Variants in PRKCE observed in about 807,000 individuals in gnomAD.
The protein encoded by PRKCE is protein kinase C epsilon type.
Under a neutral mutation model 85.4 loss-of-function variants are expected in PRKCE, and 16 were observed. The observed-to-expected ratio is 0.19, with a 90% CI of 0.13 to 0.28. PRKCE has a LOEUF of 0.28. PRKCE is among the 10% of genes least tolerant of loss of function. PRKCE has a pLI of 1.00. For missense variants in PRKCE, 573 were observed against 975.2 expected (o/e 0.59, Z 5.49); for synonymous variants, 388 against 371.5 (o/e 1.04, Z -0.51).
chr2:45,722,747 C>T (rs1386404616), intron 1 of PRKCE, among the ~76,000 whole-genome samples: 2 of 152,180 alleles, frequency 1.3e-5, no homozygotes, highest in African/African-American at 4.8e-5. Context: ...GTATATGTAA[C>T]AAAAGCACCT....
chr2:45,713,958 C>G (rs984876814), intron 1 of PRKCE, among the ~76,000 whole-genome samples: 32 of 152,316 alleles, frequency 2.1e-4, no homozygotes, highest in African/African-American at 7.0e-4. Flanking sequence ...TCCTTCAACC[C>G]CCACACCTCC....
At chr2:45,718,132 C>T (rs527652313) in intron 1 of PRKCE, among the ~76,000 whole-genome samples, 64 of 152,208 alleles carry the variant, frequency 4.2e-4, no homozygotes, top group African/African-American at 6.7e-4. Context: ...GGCTGTCTTA[C>T]GCATTTTAGG....
rs1678121737 is a variant in PRKCE at position 45,696,048 on chromosome 2, T to C, written c.348+43600T>C. 2.0e-5 allele frequency among the ~76,000 whole-genome samples: 3 copies of C among 151,706 alleles called. No homozygotes were observed. The South Asian group carries it at 6.3e-4, about 32-fold the overall frequency. On this transcript the variant is annotated intron_variant, in intron 1 of 14. Transcript: ENST00000306156. ...CTGGTGTACTGCACCCATTAACTCGTCATTTAGCATTAGGTATATCTCCTA... is the reference window on the plus strand; with the variant it reads ...CTGGTGTACTGCACCCATTAACTCGCCATTTAGCATTAGGTATATCTCCTA...
chr2:46,010,589 A>G, intron 10 of PRKCE, 72 bp downstream of exon 10: 1 of 1,597,748 alleles, frequency 6.3e-7, no homozygotes. Context: ...CCAATTTTAG[A>G]CCCTCTACAT....
intron 1 of PRKCE, among the ~76,000 whole-genome samples, chr2:45,819,058 C>T (rs752481249): frequency 6.6e-6 from 1 of 152,160 alleles, no homozygotes; most frequent in Non-Finnish European, 1.5e-5. Flanking sequence ...GAGGCATTTG[C>T]TCTTCTCCCT....
At position 45,651,902 on chromosome 2, in the gene PRKCE, A is replaced by G; in HGVS notation, c.-199A>G. Reference sequence around the variant, plus strand: ...CTCTCCCCCCTCCCTGTTTTCCGTTAGGAACCCGGCGAGGAAATACATGCA... The same window carrying G: ...CTCTCCCCCCTCCCTGTTTTCCGTTGGGAACCCGGCGAGGAAATACATGCA... On this transcript the variant is annotated 5_prime_UTR_variant, in exon 1 of 15. Transcript: ENST00000306156. 2.1e-6 allele frequency: 1 copy of G among 480,646 alleles called. No homozygotes were observed. The highest frequency in any genetic ancestry group is 3.7e-6 in the Non-Finnish European group (1 of 272,984). 29.8% of individuals were successfully genotyped at this position (480,646 alleles called of 1,614,324 possible). A position where few individuals can be genotyped will look rare whatever the true frequency, so the allele number is the denominator to read the frequency against.
intron 1 of PRKCE, among the ~76,000 whole-genome samples, chr2:45,683,200 C>G (rs1326839480): frequency 6.6e-6 from 1 of 152,190 alleles, no homozygotes; most frequent in East Asian, 1.9e-4. Flanking sequence ...ATCTCTTTGT[C>G]TCTGGATTTC....
intron 1 of PRKCE, among the ~76,000 whole-genome samples, chr2:45,656,592 T>A (rs1027816135): frequency 5.9e-5 from 9 of 152,216 alleles, no homozygotes; most frequent in African/African-American, 2.2e-4. Flanking sequence ...CAGACTTTCA[T>A]GTACATAAGA....
intron 11 of PRKCE, among the ~76,000 whole-genome samples, chr2:46,137,481 T>C (rs1022182003): frequency 6.6e-6 from 1 of 151,942 alleles, no homozygotes; most frequent in Non-Finnish European, 1.5e-5. Flanking sequence ...CTGGGCACGG[T>C]GGCTCATGCC....
intron 10 of PRKCE, among the ~76,000 whole-genome samples, chr2:46,042,011 A>C (rs912176991): frequency 1.3e-5 from 2 of 152,208 alleles, no homozygotes; most frequent in African/African-American, 4.8e-5. Context: ...ATCCCATTTT[A>C]TGGTTTGATT....
chr2:45,862,154 G>A (rs1466625608), intron 2 of PRKCE, among the ~76,000 whole-genome samples: 1 of 148,716 alleles, frequency 6.7e-6, no homozygotes, highest in Non-Finnish European at 1.5e-5. Flanking sequence ...GTACTACCCC[G>A]CCACCCTAGT....
At chr2:45,749,737 T>C (rs1683399330) in intron 1 of PRKCE, among the ~76,000 whole-genome samples, 1 of 152,210 alleles carries the variant, frequency 6.6e-6, no homozygotes, top group African/African-American at 2.4e-5. Flanking sequence ...TCACAGCTGG[T>C]AGATGATGGA....
intron 1 of PRKCE, among the ~76,000 whole-genome samples, chr2:45,825,383 G>A (rs115051974): frequency 8.3e-4 from 126 of 152,356 alleles, no homozygotes; most frequent in African/African-American, 2.9e-3. Flanking sequence ...GTGTTTAGCG[G>A]TGAGGGGTGG....
intron 2 of PRKCE, among the ~76,000 whole-genome samples, chr2:45,939,520 T>C (rs1490476958): frequency 6.6e-6 from 1 of 152,082 alleles, no homozygotes; most frequent in Non-Finnish European, 1.5e-5. Flanking sequence ...TAAGAGAAAA[T>C]GTAATGCAGC....
At chr2:45,787,709 A>C (rs957206213) in intron 1 of PRKCE, among the ~76,000 whole-genome samples, 1 of 152,232 alleles carries the variant, frequency 6.6e-6, no homozygotes, top group African/African-American at 2.4e-5. Context: ...TTACCGTATC[A>C]ACAGAAGAGA....
chr2:45,920,066 G>A (rs569122997), intron 2 of PRKCE, among the ~76,000 whole-genome samples: 66 of 152,244 alleles, frequency 4.3e-4, no homozygotes, highest in Non-Finnish European at 6.9e-4. Flanking sequence ...GGCCCCAGCC[G>A]GTTCAGACAC....
chr2:45,784,589 A>C (rs1171108160), intron 1 of PRKCE, among the ~76,000 whole-genome samples: 1 of 152,190 alleles, frequency 6.6e-6, no homozygotes, highest in Non-Finnish European at 1.5e-5. Flanking sequence ...GAGGGTCTAG[A>C]GAAGATTTTA....
chr2:46,133,715 A>G (rs1674687216), intron 11 of PRKCE, among the ~76,000 whole-genome samples: 1 of 152,242 alleles, frequency 6.6e-6, no homozygotes, highest in South Asian at 2.1e-4. Flanking sequence ...AACATTGAAT[A>G]CTGGGTACTT....
chr2:45,813,256 T>C (rs1356045797), intron 1 of PRKCE, among the ~76,000 whole-genome samples: 1 of 152,162 alleles, frequency 6.6e-6, no homozygotes, highest in Non-Finnish European at 1.5e-5. Context: ...GGATGGGCTA[T>C]TTGGCTTCAT....
Sources: gnomAD v4.1 joint callset for allele counts (sites outside exome capture counted in the v4.1 genomes callset) on GRCh38, gnomAD v4.1.1 for gene constraint, MANE v1.5 for transcripts, NCBI Gene and HGNC (gene_info 2026-07-23, HGNC 2026-07-21) for gene names.